SDK2: variants seen among roughly 807,000 people sequenced by gnomAD.
SDK2 encodes sidekick cell adhesion molecule 2.
A neutral mutation model predicts 253.9 loss-of-function variants in SDK2; 105 were observed. The ratio of observed to expected loss-of-function variants is 0.41; its 90% CI spans 0.35 to 0.49. The LOEUF is 0.49. SDK2 is among the 20% of genes least tolerant of loss of function. The pLI is 0.06. For missense variants in SDK2, 2,608 were observed against 3,003.0 expected (o/e 0.87, Z 3.07); for synonymous variants, 1,249 against 1,234.9 (o/e 1.01, Z -0.24).
At chr17:73,418,374 A>G (rs1384238038) in intron 16 of SDK2, among the ~76,000 whole-genome samples, 3 of 152,166 alleles carry the variant, frequency 2.0e-5, no homozygotes, top group Non-Finnish European at 4.4e-5. Flanking sequence ...TAGGTCTTGG[A>G]GAGACTTGAT....
At chr17:73,377,901 C>T (rs2062797222) in intron 36 of SDK2, among the ~76,000 whole-genome samples, 1 of 152,086 alleles carries the variant, frequency 6.6e-6, no homozygotes, top group Non-Finnish European at 1.5e-5. Flanking sequence ...TGTGAGCCAC[C>T]GCACCCGGCC....
At position 73,338,430 on chromosome 17, in the gene SDK2, G is replaced by A. The variant is rs780743698; in HGVS notation, c.*157C>T. The stretch of plus-strand genomic sequence containing the variant: ...CACGGTTTTCTCCCTCCTTCTGAAC[G>A]CCGGCTTTGCTGGCCCTGGAATCTC... On this transcript the variant is annotated 3_prime_UTR_variant, in exon 45 of 45. Transcript: ENST00000392650. This position sits in a 1 kb window ranked among gnomAD's most constrained non-coding sequence, Gnocchi z 5.0. 61 of 700,848 alleles carry A rather than the reference G, an allele frequency of 8.7e-5. No homozygotes were observed. The highest frequency in any genetic ancestry group is 1.5e-4 in the Admixed American group (7 of 47,790). 43.4% of individuals were successfully genotyped at this position (700,848 alleles called of 1,614,324 possible).
chr17:73,472,020 G>T, intron 3 of SDK2, 92 bp downstream of exon 3: 1 of 931,256 alleles, frequency 1.1e-6, no homozygotes, highest in Non-Finnish European at 1.7e-6. Context: ...TGATGGCCAT[G>T]ACGGGATCTG....
chr17:73,557,899 C>T (rs1162940462), intron 1 of SDK2, among the ~76,000 whole-genome samples: 1 of 152,192 alleles, frequency 6.6e-6, no homozygotes, highest in African/African-American at 2.4e-5. Context: ...ATGGGCACCT[C>T]TGGACTCAGC....
chr17:73,540,868 C>T (rs1189285309), intron 1 of SDK2, among the ~76,000 whole-genome samples: 2 of 152,204 alleles, frequency 1.3e-5, no homozygotes, highest in Non-Finnish European at 2.9e-5. Flanking sequence ...GAGCACTTGA[C>T]AGGAGATAAG....
At chr17:73,432,694 G>A (rs2063335314) in intron 10 of SDK2, among the ~76,000 whole-genome samples, 1 of 150,392 alleles carries the variant, frequency 6.6e-6, no homozygotes. Context: ...CTGGGGGCTG[G>A]GGCAGGGTGA....
chr17:73,607,156 G>A (rs772047954), intron 1 of SDK2, among the ~76,000 whole-genome samples: 1 of 152,182 alleles, frequency 6.6e-6, no homozygotes, highest in Admixed American at 6.5e-5. Flanking sequence ...CAAATAAGTG[G>A]TGTGGACAAC....
At chr17:73,622,100 ACT>A (rs2046140154) in intron 1 of SDK2, among the ~76,000 whole-genome samples, 2 of 152,238 alleles carry the variant, frequency 1.3e-5, no homozygotes, top group Non-Finnish European at 2.9e-5. Flanking sequence ...CCATGTGTCC[ACT>A]AGAGTCAGCT....
chr17:73,575,000 G>A (rs2045438974), intron 1 of SDK2, among the ~76,000 whole-genome samples: 1 of 152,208 alleles, frequency 6.6e-6, no homozygotes, highest in South Asian at 2.1e-4. Flanking sequence ...TCAGTGACTG[G>A]TTGGCTAAAG....
chr17:73,350,819 G>A (rs1568361333), intron 41 of SDK2, 29 bp from the exon 42 acceptor site: 3 of 1,579,622 alleles, frequency 1.9e-6, no homozygotes, highest in Non-Finnish European at 2.6e-6. Flanking sequence ...GGTATATAGG[G>A]TGCTCAGCCC....
chr17:73,415,471 G>A lies in SDK2; in HGVS notation c.2368+340C>T, dbSNP rs2063172671. On this transcript the variant is annotated intron_variant, in intron 17 of 44. Transcript: ENST00000392650. ...CAGGCTCCAGCCTTGGGGACCTCCC[G>A]AGTAGCTGGGACCACAGGCATGTAC... 2.0e-5 allele frequency among the ~76,000 whole-genome samples: 3 copies of A among 147,748 alleles called. No individual in the cohort carries two copies. The Admixed American group carries it at 2.1e-4, about 10-fold the overall frequency.
intron 1 of SDK2, among the ~76,000 whole-genome samples, chr17:73,588,660 A>T (rs1432182666): frequency 6.6e-6 from 1 of 152,124 alleles, no homozygotes; most frequent in African/African-American, 2.4e-5. Flanking sequence ...GATCCTATGA[A>T]ATACCCCGCA....
chr17:73,399,741 G>T (rs570960145), intron 21 of SDK2, among the ~76,000 whole-genome samples: 5 of 152,330 alleles, frequency 3.3e-5, no homozygotes, highest in African/African-American at 1.2e-4. Flanking sequence ...TGAGAGGATG[G>T]GTGGGGACAG....
Position 73,421,573 on chromosome 17 carries a change from C to CTTTTT in SDK2, c.2045+709_2045+713dup, listed in dbSNP as rs36068491. ...TCTGCAGCTTTTATTCAATTTCCAT[C>CTTTTT]TTTTTTTTTTTTTTTTTTTTTTGAG... On this transcript the variant is annotated intron_variant, in intron 15 of 44. Transcript: ENST00000392650. Among the ~76,000 whole-genome samples the CTTTTT allele has an allele frequency of 1.6e-3, 145 of 90,768 alleles. 2 individuals are homozygous for CTTTTT. Among genetic ancestry groups the CTTTTT allele is most frequent in the African/African-American group, 3.9e-3 (87 of 22,196 alleles). The allele number at this position is 90,768 out of a possible 152,430, so 59.5% of individuals were successfully genotyped here. A position where few individuals can be genotyped will look rare whatever the true frequency, so the allele number is the denominator to read the frequency against.
intron 4 of SDK2, among the ~76,000 whole-genome samples, chr17:73,452,527 A>G (rs576757694): frequency 5.3e-4 from 80 of 152,192 alleles, no homozygotes; most frequent in African/African-American, 1.8e-3. Flanking sequence ...CTGGTGCCAC[A>G]GGGTTGTGGG....
chr17:73,383,963 G>A lies in SDK2; in HGVS notation c.4618C>T (p.Arg1540Ter). 2 of 1,613,874 alleles carry A rather than the reference G, an allele frequency of 1.2e-6. No homozygotes were observed. Among genetic ancestry groups the A allele is most frequent in the Non-Finnish European group, 1.7e-6 (2 of 1,179,872 alleles). The change falls in exon 33 of 45, where the codon CGA becomes TGA. Residue 1540 changes from arginine (R) to a stop codon, truncating the protein, a stop_gained. Coordinates refer to ENST00000392650, the MANE Select transcript of SDK2 (RefSeq NM_001144952.2). LOFTEE classifies it high-confidence loss of function. The surrounding 1 kb of genome is among the most constrained non-coding windows in gnomAD (Gnocchi z 4.3). ...CCTTCATAGAGCAGCTCCCGGTATC[G>A]GATCCGGAAGCCCAGGAGGATGCCA... ...INGILLGFRI[R>*]YRELLYEGLR...
At position 73,395,463 on chromosome 17, in the gene SDK2, CT is replaced by C; in HGVS notation, c.3355-72del. ...CACTGTGCAGGGAGGAACTGCCCTG[CT>C]ACCCTCTCCTCCAGGGCGCCTTCAG... On this transcript the variant is annotated intron_variant, in intron 24 of 44. Coordinates refer to ENST00000392650, the MANE Select transcript of SDK2 (RefSeq NM_001144952.2). This position sits in a 1 kb window ranked among gnomAD's most constrained non-coding sequence, Gnocchi z 4.3. The C allele has an allele frequency of 1.6e-6, 2 of 1,280,866 alleles. No individual in the cohort carries two copies. Among genetic ancestry groups the C allele is most frequent in the South Asian group, 1.3e-5 (1 of 78,824 alleles). The allele number at this position is 1,280,866 out of a possible 1,614,324, so 79.3% of individuals were successfully genotyped here. A position where few individuals can be genotyped will look rare whatever the true frequency, so the allele number is the denominator to read the frequency against.
At chr17:73,516,613 C>T (rs71380181) in intron 1 of SDK2, 2 of 152,378 alleles carry the variant, frequency 1.3e-5, no homozygotes, top group Admixed American at 6.5e-5. Context: ...GATGCCTGGC[C>T]CAGCTCTGGC....
intron 1 of SDK2, chr17:73,518,423 A>T (rs1253282960): frequency 6.6e-6 from 1 of 152,142 alleles, no homozygotes; most frequent in Non-Finnish European, 1.5e-5. Flanking sequence ...GGCACAGAGA[A>T]AGAGCCCTTG....
Sources: allele counts gnomAD v4.1 joint callset (sites outside exome capture counted in the v4.1 genomes callset), GRCh38; gene constraint gnomAD v4.1.1; non-coding constraint Gnocchi (gnomAD v3.1); transcripts MANE v1.5; gene names NCBI Gene and HGNC (gene_info 2026-07-23, HGNC 2026-07-21).